Variants in IGF2BP2 observed in about 807,000 individuals in gnomAD.
The protein encoded by IGF2BP2 is insulin like growth factor 2 mRNA binding protein 2.
Under a neutral mutation model 75.8 loss-of-function variants are expected in IGF2BP2, and 17 were observed. The observed-to-expected ratio is 0.22, with a 90% confidence interval of 0.15 to 0.34. IGF2BP2 has a LOEUF of 0.34. Among genes scored for constraint, IGF2BP2 ranks in the 10% least tolerant of loss-of-function variants. The pLI, the probability that IGF2BP2 is intolerant of heterozygous loss-of-function variation, is 1.00. For synonymous variants in IGF2BP2, 288 were observed against 295.6 expected (o/e 0.97, Z 0.26); for missense variants, 516 against 772.4 (o/e 0.67, Z 3.93).
chr3:185,683,083 T>C (rs571606321), intron 7 of IGF2BP2, among the ~76,000 whole-genome samples: 2 of 152,328 alleles, frequency 1.3e-5, no homozygotes, highest in South Asian at 2.1e-4. Flanking sequence ...AAATGTGCTA[T>C]ATACATACAC....
At chr3:185,751,093 C>G (rs115815340) in intron 2 of IGF2BP2, among the ~76,000 whole-genome samples, 3,550 of 152,178 alleles carry the variant, frequency 0.023, 69 homozygotes, top group Middle Eastern at 0.054. Context: ...TGTGCCTGTA[C>G]TCCCAGCTAC....
At chr3:185,730,465 A>T (rs1184303526) in intron 2 of IGF2BP2, among the ~76,000 whole-genome samples, 3 of 106,536 alleles carry the variant, frequency 2.8e-5, no homozygotes, top group East Asian at 3.0e-4. Context: ...ACGGAGTTTG[A>T]CTCTTGTTTC....
At chr3:185,657,152 G>T (rs1331893698) in intron 12 of IGF2BP2, 134 bp downstream of exon 12, 3 of 614,356 alleles carry the variant, frequency 4.9e-6, no homozygotes, top group Non-Finnish European at 8.7e-6. Context: ...GAATAGTCAT[G>T]GGGCAAATGT....
Position 185,689,571 on chromosome 3 carries a change from T to C in IGF2BP2, c.461A>G (p.Tyr154Cys), listed in dbSNP as rs143252812. 7.4e-6 allele frequency: 12 copies of C among 1,614,040 alleles called. No individual in the cohort carries two copies. In the African/African-American group the frequency reaches 1.5e-4, roughly 20 times the overall value. The change falls in exon 6 of 16, where the codon TAC (tyrosine) becomes TGC (cysteine). Residue 154 changes from tyrosine (Y) to cysteine (C), a missense_variant. Physicochemically the swap from Tyr to Cys is radical, Grantham distance 194. Coordinates refer to ENST00000382199, the MANE Select transcript of IGF2BP2 (RefSeq NM_006548.6). Reference protein sequence around the residue: ...QFENYSFKISYIPDEEVSSPS... With the variant: ...QFENYSFKISCIPDEEVSSPS... ...GGAGCTCACCTCTTCATCCGGGATGTAGGAAATCTTGAAGGAGTAGTTCTC... is the reference window on the plus strand; with the variant it reads ...GGAGCTCACCTCTTCATCCGGGATGCAGGAAATCTTGAAGGAGTAGTTCTC...
In IGF2BP2 at chr3:185,713,761, C is replaced by T. The variant is rs572215841; in HGVS notation, c.240-15414G>A. ...TGTTGCCCAGGCTGGAGTGCAGTGG[C>T]GCAATCTCAGCTCACTGAAACCTCC... On this transcript the variant is annotated intron_variant, in intron 2 of 15. Transcript: ENST00000382199. Among the ~76,000 whole-genome samples, 19 of 152,250 alleles carry T rather than the reference C, an allele frequency of 1.2e-4. No individual in the cohort carries two copies. The South Asian group carries it at 1.9e-3, about 15-fold the overall frequency.
chr3:185,658,489 T>C (rs1715842145), intron 10 of IGF2BP2, 80 bp from the exon 11 acceptor site: 3 of 1,174,834 alleles, frequency 2.6e-6, no homozygotes, highest in Non-Finnish European at 3.7e-6. Context: ...ATTCCCAACA[T>C]GCGACACAGG....
chr3:185,669,742 G>T (rs186387803), intron 10 of IGF2BP2, among the ~76,000 whole-genome samples: 1 of 152,280 alleles, frequency 6.6e-6, no homozygotes, highest in African/African-American at 2.4e-5. Context: ...AAGCAACCAA[G>T]AAATATCTTA....
intron 7 of IGF2BP2, among the ~76,000 whole-genome samples, chr3:185,679,249 A>T (rs1720005375): frequency 6.9e-6 from 1 of 144,328 alleles, no homozygotes. Context: ...ATGTGCTTTG[A>T]TTTTCTTTTG....
intron 12 of IGF2BP2, 137 bp from the exon 13 acceptor site, chr3:185,652,305 G>A (rs1714736448): frequency 1.4e-6 from 1 of 696,280 alleles, no homozygotes; most frequent in Non-Finnish European, 2.4e-6. Flanking sequence ...TCTGTCTGAT[G>A]CCATGCTGCC....
chr3:185,649,263 C>T, intron 14 of IGF2BP2, 140 bp downstream of exon 14: 2 of 1,150,606 alleles, frequency 1.7e-6, no homozygotes. Context: ...GCTCAGATGC[C>T]AGGAGAGCCT....
At chr3:185,820,277 AT>A (rs1741205976) in intron 2 of IGF2BP2, among the ~76,000 whole-genome samples, 1 of 141,408 alleles carries the variant, frequency 7.1e-6, no homozygotes, top group Admixed American at 6.9e-5. Context: ...CACACACATA[AT>A]TTTTAAGTTA....
intron 2 of IGF2BP2, among the ~76,000 whole-genome samples, chr3:185,820,234 A>T (rs1415308894): frequency 1.8e-5 from 1 of 56,958 alleles, no homozygotes; most frequent in Non-Finnish European, 3.1e-5. Context: ...ATATATACAC[A>T]TACACACACA....
At chr3:185,692,002 T>C (rs1722013688) in intron 5 of IGF2BP2, among the ~76,000 whole-genome samples, 1 of 152,222 alleles carries the variant, frequency 6.6e-6, no homozygotes, top group South Asian at 2.1e-4. Context: ...CCCAAAATGC[T>C]GGGATTACAG....
At position 185,652,024 on chromosome 3, in the gene IGF2BP2, T is replaced by G. The variant is rs534225652; in HGVS notation, c.1461+70A>C. Reference sequence around the variant, plus strand: ...GAGGCTGGGCCTCCAAAGAAGAGCCTTGAATGTGCCTCTGAGGTGGCTGCT... The same window carrying G: ...GAGGCTGGGCCTCCAAAGAAGAGCCGTGAATGTGCCTCTGAGGTGGCTGCT... On this transcript the variant is annotated intron_variant, in intron 13 of 15. Coordinates refer to ENST00000382199, the MANE Select transcript of IGF2BP2 (RefSeq NM_006548.6). The G allele has an allele frequency of 3.4e-5, 43 of 1,262,076 alleles. 1 individual carries two copies. In the South Asian group the frequency reaches 6.2e-4, roughly 18 times the overall value. The allele number at this position is 1,262,076 out of a possible 1,614,324, so 78.2% of individuals were successfully genotyped here.
chr3:185,687,892 C>T (rs1206911304), intron 6 of IGF2BP2, among the ~76,000 whole-genome samples: 5 of 151,766 alleles, frequency 3.3e-5, no homozygotes, highest in Non-Finnish European at 5.9e-5. Context: ...TGGGCACACA[C>T]TTTGAGAGCT....
chr3:185,666,188 T>C (rs183496677), intron 10 of IGF2BP2, among the ~76,000 whole-genome samples: 1 of 152,236 alleles, frequency 6.6e-6, no homozygotes, highest in Non-Finnish European at 1.5e-5. Flanking sequence ...TTTGAGAAAA[T>C]ACTCCAGACA....
At position 185,824,940 on chromosome 3, in the gene IGF2BP2, G is replaced by A. The variant is rs150534490; in HGVS notation, c.21C>T (p.Ile7=). The change falls in exon 1 of 16, where the codon ATC becomes ATT. Residue 7 remains isoleucine (I), a synonymous_variant. Coordinates refer to ENST00000382199, the MANE Select transcript of IGF2BP2 (RefSeq NM_006548.6). MMNKLY[I]GNLSPAVTAD... is the part of the protein sequence containing the mutation. ...CGGTGACGGCGGGGCTCAGGTTCCC[G>A]ATGTAAAGCTTGTTCATCATCCGTC... 6.4e-5 allele frequency: 100 copies of A among 1,550,990 alleles called. 1 individual carries two copies. Among genetic ancestry groups the A allele is most frequent in the Non-Finnish European group, 8.4e-5 (96 of 1,144,062 alleles).
chr3:185,646,406 G>A (rs944256398), intron 15 of IGF2BP2, among the ~76,000 whole-genome samples: 11 of 152,204 alleles, frequency 7.2e-5, no homozygotes, highest in Non-Finnish European at 1.5e-4. Context: ...CTTACACCAA[G>A]TACACTGTTT....
rs1340927314 is a variant in IGF2BP2 at position 185,644,041 on chromosome 3, C to T, written c.*1490G>A. The T allele has an allele frequency of 1.3e-5, 2 of 151,792 alleles. No individual in the cohort carries two copies. The highest frequency in any genetic ancestry group is 4.2e-4 in the South Asian group (2 of 4,804). The allele number at this position is 151,792 out of a possible 1,614,324, so 9.4% of individuals were successfully genotyped here. ...GAAGGCCATATAGGTTCTTGGCTAG[C>T]GGAAGACAATTCAGAACAGCTGTTG... is the stretch of plus-strand genomic sequence containing the variant. On this transcript the variant is annotated 3_prime_UTR_variant, in exon 16 of 16. Transcript: ENST00000382199.
Sources: gnomAD v4.1 joint callset for allele counts (sites outside exome capture counted in the v4.1 genomes callset) on GRCh38, gnomAD v4.1.1 for gene constraint, MANE v1.5 for transcripts, NCBI Gene and HGNC (gene_info 2026-07-23, HGNC 2026-07-21) for gene names.